The following ITSN1 variants were observed in gnomAD, a reference collection of about 807,000 sequenced individuals.
The protein encoded by ITSN1 is intersectin-1.
In ITSN1, 58 loss-of-function variants were observed where a neutral mutation model predicts 239.8. The ratio of observed to expected loss-of-function variants is 0.24; its 90% CI spans 0.20 to 0.30. ITSN1 has a LOEUF of 0.30. Among genes scored for constraint, ITSN1 ranks in the 10% least tolerant of loss-of-function variants. ITSN1 has a pLI of 1.00. For synonymous variants in ITSN1, 780 were observed against 770.8 expected (o/e 1.01, Z -0.20); for missense variants, 1,558 against 2,103.3 (o/e 0.74, Z 5.07).
At chr21:33,733,285 A>C (rs1321376277) in intron 4 of ITSN1, among the ~76,000 whole-genome samples, 1 of 152,154 alleles carries the variant, frequency 6.6e-6, no homozygotes, top group East Asian at 1.9e-4. Flanking sequence ...ATATTAGTTC[A>C]GTGAGAAGAA....
At chr21:33,643,082 C>T (rs1335715545) in intron 1 of ITSN1, among the ~76,000 whole-genome samples, 1 of 150,704 alleles carries the variant, frequency 6.6e-6, no homozygotes, top group Non-Finnish European at 1.5e-5. Flanking sequence ...CCTTCCCGGG[C>T]TGACCTCGCT....
chr21:33,673,000 C>T (rs1255629933), intron 1 of ITSN1, among the ~76,000 whole-genome samples: 3 of 151,988 alleles, frequency 2.0e-5, no homozygotes, highest in Non-Finnish European at 1.5e-5. Flanking sequence ...GGAGGCACCA[C>T]GCCTGGCGGA....
chr21:33,690,774 T>C lies in ITSN1; in HGVS notation c.-32-28023T>C, dbSNP rs533998158. On this transcript the variant is annotated intron_variant, in intron 1 of 39. Transcript: ENST00000381318. Reference sequence around the variant, plus strand: ...AGGCTCTGCCTCAGAAAAAAAAAAGTGTATATATATATATACATATATATA... The same window carrying C: ...AGGCTCTGCCTCAGAAAAAAAAAAGCGTATATATATATATACATATATATA... Among the ~76,000 whole-genome samples the C allele has an allele frequency of 3.2e-3, 82 of 25,438 alleles. 1 individual carries two copies. Among genetic ancestry groups the C allele is most frequent in the Non-Finnish European group, 4.2e-3 (65 of 15,386 alleles). The allele number at this position is 25,438 out of a possible 152,430, so 16.7% of individuals were successfully genotyped here.
At chr21:33,651,902 A>C (rs2088570193) in intron 1 of ITSN1, among the ~76,000 whole-genome samples, 2 of 152,194 alleles carry the variant, frequency 1.3e-5, no homozygotes, top group Admixed American at 1.3e-4. Context: ...TGTTATCTTT[A>C]GTTGTTTTGA....
At position 33,856,874 on chromosome 21, in the gene ITSN1, G is replaced by C. The variant is rs766817113; in HGVS notation, c.3783+17G>C. On this transcript the variant is annotated intron_variant, in intron 30 of 39. Transcript: ENST00000381318. ...GTCACAGAGGTAAGGGAGCTGGTGG[G>C]GCAGGGGGCACGGCAGGGGGCGATG... The C allele has an allele frequency of 6.2e-7, 1 of 1,613,536 alleles. No individual in the cohort carries two copies. The highest frequency in any genetic ancestry group is 1.7e-5 in the Admixed American group (1 of 60,016).
At chr21:33,751,652 C>T (rs2067562275) in intron 6 of ITSN1, among the ~76,000 whole-genome samples, 158 bp from the exon 7 acceptor site, 1 of 152,068 alleles carries the variant, frequency 6.6e-6, no homozygotes, top group Admixed American at 6.6e-5. Flanking sequence ...GGCAGGAGGA[C>T]AGAGGGTAAG....
At chr21:33,881,991 A>G (rs1438299224) in intron 34 of ITSN1, among the ~76,000 whole-genome samples, 4 of 151,644 alleles carry the variant, frequency 2.6e-5, no homozygotes, top group Admixed American at 6.6e-5. Flanking sequence ...CAGTTGCACC[A>G]TAAGACACTG....
intron 8 of ITSN1, among the ~76,000 whole-genome samples, chr21:33,760,954 A>G (rs1002005971): frequency 1.3e-5 from 2 of 151,912 alleles, no homozygotes; most frequent in African/African-American, 4.8e-5. Flanking sequence ...GGCCACTTTC[A>G]TACCAGAAGT....
In ITSN1 at chr21:33,750,128, G is replaced by A; in HGVS notation, c.347-15G>A. Reference sequence around the variant, plus strand: ...GATTGGATGTGAATGGTGTTGAGCTGTTTTTTCTTCATAGGTATGGGAGGT... The same window carrying A: ...GATTGGATGTGAATGGTGTTGAGCTATTTTTTCTTCATAGGTATGGGAGGT... On this transcript the variant is annotated splice_polypyrimidine_tract_variant and intron_variant, in intron 5 of 39. Transcript: ENST00000381318. 6.2e-7 allele frequency: 1 copy of A among 1,612,908 alleles called. No homozygotes were observed. Among genetic ancestry groups the A allele is most frequent in the Non-Finnish European group, 8.5e-7 (1 of 1,179,296 alleles).
intron 8 of ITSN1, among the ~76,000 whole-genome samples, chr21:33,760,769 A>G (rs758184765): frequency 6.6e-6 from 1 of 152,208 alleles, no homozygotes; most frequent in African/African-American, 2.4e-5. Context: ...GCAAAAACAT[A>G]TACACCAGAA....
At chr21:33,860,098 G>C (rs1980188380) in intron 31 of ITSN1, among the ~76,000 whole-genome samples, 1 of 152,160 alleles carries the variant, frequency 6.6e-6, no homozygotes. Flanking sequence ...CTTGAGGTCA[G>C]GAGTTTGAGA....
chr21:33,683,010 T>G (rs748978092), intron 1 of ITSN1, among the ~76,000 whole-genome samples: 5 of 152,176 alleles, frequency 3.3e-5, no homozygotes, highest in African/African-American at 4.8e-5. Context: ...TCTTCTTGAA[T>G]TTCCTCCTTC....
At position 33,860,559 on chromosome 21, in the gene ITSN1, G is replaced by C. The variant is rs141810603; in HGVS notation, c.3890+1767G>C. On this transcript the variant is annotated intron_variant, in intron 31 of 39. Coordinates refer to ENST00000381318, the MANE Select transcript of ITSN1 (RefSeq NM_003024.3). ...AAGCAGCCTCTTTCTTGAGCTGTGT[G>C]GGGGGCCAGGCCTGCGTGCTTCTTC... Among the ~76,000 whole-genome samples the C allele has an allele frequency of 4.6e-3, 699 of 152,260 alleles. 8 individuals carry two copies. The highest frequency in any genetic ancestry group is 0.016 in the African/African-American group (660 of 41,550).
At chr21:33,668,237 A>C (rs2090046755) in intron 1 of ITSN1, among the ~76,000 whole-genome samples, 1 of 152,180 alleles carries the variant, frequency 6.6e-6, no homozygotes. Flanking sequence ...GAAGAGGGAG[A>C]TGGTATTCAA....
At chr21:33,743,668 T>A (rs1450463974) in intron 5 of ITSN1, among the ~76,000 whole-genome samples, 1 of 152,166 alleles carries the variant, frequency 6.6e-6, no homozygotes. Flanking sequence ...TAAAAGAGTA[T>A]CATGTGGCCA....
chr21:33,874,504 C>CA (rs1983348574), intron 33 of ITSN1, among the ~76,000 whole-genome samples: 1 of 152,182 alleles, frequency 6.6e-6, no homozygotes, highest in Non-Finnish European at 1.5e-5. Context: ...CACTGCACAT[C>CA]AAATGCCAGA....
In ITSN1 at chr21:33,774,866, A is replaced by G. The variant is rs774175860; in HGVS notation, c.1443A>G (p.Glu481=). Residue 481 remains glutamate (E), a synonymous_variant, in exon 13 of 40, where the codon GAA becomes GAG. Transcript: ENST00000381318. ...CAAAGAAAAAGACTTTGGAATTTGAATTAGAAGCTCTAGTGAGTGAAGTTT... is the reference window on the plus strand; with the variant it reads ...CAAAGAAAAAGACTTTGGAATTTGAGTTAGAAGCTCTAGTGAGTGAAGTTT... ...LKAKKKTLEF[E]LEALNDKKHQ... is the part of the protein sequence containing the mutation. 6.2e-7 allele frequency: 1 copy of G among 1,612,166 alleles called. No homozygotes were observed. Among genetic ancestry groups the G allele is most frequent in the Non-Finnish European group, 8.5e-7 (1 of 1,179,474 alleles).
intron 1 of ITSN1, among the ~76,000 whole-genome samples, chr21:33,691,431 T>A (rs923526161): frequency 6.6e-6 from 1 of 152,204 alleles, no homozygotes; most frequent in Non-Finnish European, 1.5e-5. Flanking sequence ...CTGATGCTTG[T>A]TAAAATAGTT....
chr21:33,869,905 C>A (rs1982418210), intron 33 of ITSN1, among the ~76,000 whole-genome samples: 1 of 152,044 alleles, frequency 6.6e-6, no homozygotes, highest in South Asian at 2.1e-4. Flanking sequence ...ATTTCTAGAT[C>A]CATCTATCCA....
Sources: gnomAD v4.1 joint callset for allele counts (sites outside exome capture counted in the v4.1 genomes callset) on GRCh38, gnomAD v4.1.1 for gene constraint, MANE v1.5 for transcripts, NCBI Gene and HGNC (gene_info 2026-07-23, HGNC 2026-07-21) for gene names.